GTF2H3: variants seen among roughly 807,000 people sequenced by gnomAD.
The protein encoded by GTF2H3 is TFIIH basal transcription factor complex p34 subunit.
GTF2H3 carries 42 observed loss-of-function variants against 51.1 expected under a neutral mutation model. The observed-to-expected ratio is 0.82, with a 90% CI of 0.64 to 1.06. The LOEUF (loss-of-function observed/expected upper bound fraction) is 1.06. Among genes scored for constraint, GTF2H3 ranks in the 50% least tolerant of loss-of-function variants. The pLI, the probability that GTF2H3 is intolerant of heterozygous loss-of-function variation, is 0.00. For missense variants in GTF2H3, 326 were observed against 366.1 expected (o/e 0.89, Z 0.89); for synonymous variants, 123 against 123.8 (o/e 0.99, Z 0.04).
chr12:123,655,431 G>T, intron 8 of GTF2H3: 1 of 308,498 alleles, frequency 3.2e-6, no homozygotes, highest in Non-Finnish European at 5.9e-6. Flanking sequence ...TGTTTATGAA[G>T]AAAGAAAACC....
intron 3 of GTF2H3, among the ~76,000 whole-genome samples, chr12:123,647,207 C>T (rs924293597): frequency 3.3e-5 from 5 of 149,378 alleles, no homozygotes; most frequent in Non-Finnish European, 4.4e-5. Flanking sequence ...CGGTGGCTCA[C>T]GCCTGTAATC....
intron 7 of GTF2H3, among the ~76,000 whole-genome samples, chr12:123,653,822 A>G (rs551906191): frequency 6.6e-6 from 1 of 152,044 alleles, no homozygotes; most frequent in African/African-American, 2.4e-5. Context: ...CATTTTGGTA[A>G]TCTGTGTCAA....
rs188194137 is a variant in GTF2H3, at chr12:123,661,845, C to T, written c.*1610C>T. The T allele has an allele frequency of 6.0e-4, 91 of 152,182 alleles. No individual in the cohort carries two copies. The East Asian group carries it at 0.015, about 25-fold the overall frequency. The allele number at this position is 152,182 out of a possible 1,614,324, so 9.4% of individuals were successfully genotyped here. On this transcript the variant is annotated 3_prime_UTR_variant, in exon 13 of 13. Coordinates refer to ENST00000543341, the MANE Select transcript of GTF2H3 (RefSeq NM_001516.5). ...CTGCAAGCTCTGTCTCCTGGGTTCACGCCATTCTCCTGCCTCAGCCTCCCA... is the reference window on the plus strand; with the variant it reads ...CTGCAAGCTCTGTCTCCTGGGTTCATGCCATTCTCCTGCCTCAGCCTCCCA...
rs965650806 is a variant in GTF2H3, at chr12:123,655,015, C to A, written c.561+17C>A. On this transcript the variant is annotated intron_variant, in intron 8 of 12. Transcript: ENST00000543341. Reference sequence around the variant, plus strand: ...CAGAAACAGGTGAACTGAGAGCCTGCCGTTTAAAGTATTTGTTTCATAACG... The same window carrying A: ...CAGAAACAGGTGAACTGAGAGCCTGACGTTTAAAGTATTTGTTTCATAACG... 2 of 1,590,486 alleles carry A rather than the reference C, an allele frequency of 1.3e-6. No homozygotes were observed. The highest frequency in any genetic ancestry group is 1.7e-5 in the Admixed American group (1 of 59,980).
intron 10 of GTF2H3, 66 bp from the exon 11 acceptor site, chr12:123,659,729 G>C: frequency 1.3e-6 from 2 of 1,545,300 alleles, no homozygotes; most frequent in African/African-American, 1.4e-5. Flanking sequence ...GCCTAGAAGG[G>C]TGGGCTTCAT....
At chr12:123,657,017 T>C (rs1955595145) in intron 9 of GTF2H3, among the ~76,000 whole-genome samples, 1 of 151,772 alleles carries the variant, frequency 6.6e-6, no homozygotes, top group African/African-American at 2.4e-5. Context: ...GAGCCAGGAG[T>C]TCGAAGCTGC....
At chr12:123,634,640 G>A (rs1188464907) in intron 1 of GTF2H3, among the ~76,000 whole-genome samples, 4 of 152,198 alleles carry the variant, frequency 2.6e-5, no homozygotes, top group South Asian at 2.1e-4. Flanking sequence ...CACTTTAAGT[G>A]CATGGGCCCT....
chr12:123,655,719 G>A (rs932272576), intron 8 of GTF2H3, 52 bp from the exon 9 acceptor site: 1 of 1,048,750 alleles, frequency 9.5e-7, no homozygotes, highest in Non-Finnish European at 1.5e-6. Flanking sequence ...CTCAGTATAG[G>A]GTAATCATTA....
At chr12:123,646,810 T>TG (rs1317906039) in intron 3 of GTF2H3, among the ~76,000 whole-genome samples, 1 of 151,716 alleles carries the variant, frequency 6.6e-6, no homozygotes, top group Admixed American at 6.6e-5. Flanking sequence ...TCAAAGTTTT[T>TG]TTTTTTTTTT....
chr12:123,639,652 A>T (rs2135779916), intron 2 of GTF2H3, among the ~76,000 whole-genome samples: 1 of 152,274 alleles, frequency 6.6e-6, no homozygotes, highest in South Asian at 2.1e-4. Context: ...TGGACATTTC[A>T]TGTATTGATT....
chr12:123,653,706 A>C (rs1949837855), intron 7 of GTF2H3, among the ~76,000 whole-genome samples: 1 of 151,870 alleles, frequency 6.6e-6, no homozygotes, highest in African/African-American at 2.4e-5. Context: ...TGCTTAGCAC[A>C]AATGAAAAAG....
chr12:123,644,393 C>T (rs1340800184), intron 2 of GTF2H3, among the ~76,000 whole-genome samples: 5 of 152,020 alleles, frequency 3.3e-5, no homozygotes, highest in African/African-American at 1.2e-4. Flanking sequence ...TTAGGCTGGG[C>T]ATGGTGGCTC....
chr12:123,657,748 T>A (rs11572996), intron 9 of GTF2H3, among the ~76,000 whole-genome samples: 5,464 of 152,328 alleles, frequency 0.036, 323 homozygotes, highest in African/African-American at 0.12. Flanking sequence ...CACAGTGCTC[T>A]AAAACAGTTG....
At chr12:123,634,501 C>G (rs1156946423) in intron 1 of GTF2H3, among the ~76,000 whole-genome samples, 1 of 152,148 alleles carries the variant, frequency 6.6e-6, no homozygotes, top group Non-Finnish European at 1.5e-5. Flanking sequence ...GATGATGTAA[C>G]AGTACGGTCC....
chr12:123,650,931 C>A, intron 4 of GTF2H3, 63 bp from the exon 5 acceptor site: 1 of 1,010,210 alleles, frequency 9.9e-7, no homozygotes, highest in South Asian at 1.3e-5. Context: ...AATAAAGCAC[C>A]CAATGATTTT....
chr12:123,657,397 C>T (rs1483110039), intron 9 of GTF2H3, among the ~76,000 whole-genome samples: 1 of 152,192 alleles, frequency 6.6e-6, no homozygotes, highest in Non-Finnish European at 1.5e-5. Flanking sequence ...CCGGCCCCAC[C>T]GCCCCCTTGC....
At chr12:123,640,177 C>T (rs1278155384) in intron 2 of GTF2H3, among the ~76,000 whole-genome samples, 1 of 151,958 alleles carries the variant, frequency 6.6e-6, no homozygotes, top group Non-Finnish European at 1.5e-5. Context: ...CATGTTTGTT[C>T]GTTTGTAATC....
chr12:123,643,127 C>G (rs1955401603), intron 2 of GTF2H3, among the ~76,000 whole-genome samples: 1 of 152,214 alleles, frequency 6.6e-6, no homozygotes, highest in Non-Finnish European at 1.5e-5. Context: ...GTCTGCCCGC[C>G]TTGGCCTCCC....
At chr12:123,648,214 A>G in intron 4 of GTF2H3, 88 bp downstream of exon 4, 1 of 839,650 alleles carries the variant, frequency 1.2e-6, no homozygotes, top group Non-Finnish European at 1.9e-6. Flanking sequence ...GAGGTTCTTT[A>G]TGTTGTATGC....
Sources: gnomAD v4.1 joint callset for allele counts (sites outside exome capture counted in the v4.1 genomes callset) on GRCh38, gnomAD v4.1.1 for gene constraint, MANE v1.5 for transcripts, NCBI Gene and HGNC (gene_info 2026-07-23, HGNC 2026-07-21) for gene names.